The following SLC22A2 variants were observed in gnomAD, a reference collection of about 807,000 sequenced individuals.
SLC22A2 encodes the protein organic cation transporter 2.
A neutral mutation model predicts 60.5 loss-of-function variants in SLC22A2; 46 were observed. The ratio of observed to expected loss-of-function variants is 0.76; its 90% CI spans 0.60 to 0.97. The LOEUF is 0.97. Ranked by LOEUF, SLC22A2 falls within the 50% of genes least tolerant of loss-of-function variation. The pLI is 0.00. For synonymous variants in SLC22A2, 303 were observed against 267.0 expected (o/e 1.13, Z -1.31); for missense variants, 701 against 706.6 (o/e 0.99, Z 0.09).
intron 2 of SLC22A2, among the ~76,000 whole-genome samples, chr6:160,252,930 T>C (rs1158036986): frequency 6.6e-6 from 1 of 152,216 alleles, no homozygotes; most frequent in Non-Finnish European, 1.5e-5. Context: ...GTAAAGTGAC[T>C]AGCACACAGT....
At chr6:160,255,335 A>C (rs1368424446) in intron 2 of SLC22A2, among the ~76,000 whole-genome samples, 1 of 152,146 alleles carries the variant, frequency 6.6e-6, no homozygotes, top group Non-Finnish European at 1.5e-5. Context: ...TGAAGTGCAT[A>C]TGCCTTGGGG....
At chr6:160,225,771 G>T (rs1004052976) in intron 9 of SLC22A2, among the ~76,000 whole-genome samples, 2 of 152,154 alleles carry the variant, frequency 1.3e-5, no homozygotes, top group African/African-American at 4.8e-5. Flanking sequence ...ACACACTATA[G>T]CCTACTCTTG....
chr6:160,230,430 C>A (rs975195265), intron 9 of SLC22A2, among the ~76,000 whole-genome samples: 5 of 151,908 alleles, frequency 3.3e-5, no homozygotes, highest in African/African-American at 9.7e-5. Flanking sequence ...TTGGCAGCAA[C>A]CCTGAGACTG....
intron 4 of SLC22A2, 56 bp from the exon 5 acceptor site, chr6:160,247,354 C>A: frequency 1.1e-6 from 1 of 912,936 alleles, no homozygotes; most frequent in Non-Finnish European, 1.8e-6. Context: ...TACCCCATCC[C>A]CCATTTTTTT....
Position 160,224,773 on chromosome 6 carries a change from C to A in SLC22A2, c.1533G>T (p.Val511=). ...GVLGLVAGGL[V]LLLPETKGKA... ...TCCCTTTAGTTTCTGGAAGCAACAGCACCAGACCTCCAGCAACCAAGCCAA... is the reference window on the plus strand; with the variant it reads ...TCCCTTTAGTTTCTGGAAGCAACAGAACCAGACCTCCAGCAACCAAGCCAA... Residue 511 remains valine, a synonymous_variant, in exon 10 of 11, where the codon GTG becomes GTT. Transcript: ENST00000366953. The A allele has an allele frequency of 6.2e-7, 1 of 1,600,726 alleles. No homozygotes were observed.
chr6:160,243,539 G>A (rs1783044354), intron 7 of SLC22A2, 33 bp downstream of exon 7: 3 of 1,460,496 alleles, frequency 2.1e-6, no homozygotes, highest in Admixed American at 1.7e-5. Flanking sequence ...CCAGGGTCTT[G>A]GAGATAAGAC....
At chr6:160,240,465 T>C (rs1334474513) in intron 9 of SLC22A2, among the ~76,000 whole-genome samples, 2 of 152,170 alleles carry the variant, frequency 1.3e-5, no homozygotes, top group African/African-American at 2.4e-5. Flanking sequence ...TAAGCTTAGA[T>C]TGTAGACCTA....
chr6:160,228,363 G>T (rs992114440), intron 9 of SLC22A2, among the ~76,000 whole-genome samples: 1 of 152,142 alleles, frequency 6.6e-6, no homozygotes, highest in African/African-American at 2.4e-5. Context: ...CAATTTAGGG[G>T]AGTTAGAGTC....
Position 160,217,259 on chromosome 6 carries a change from A to G in SLC22A2, c.*173T>C, listed in dbSNP as rs1398742961. The G allele has an allele frequency of 2.4e-6, 1 of 413,130 alleles. No homozygotes were observed. Among genetic ancestry groups the G allele is most frequent in the Non-Finnish European group, 4.3e-6 (1 of 233,186 alleles). 25.6% of individuals were successfully genotyped at this position (413,130 alleles called of 1,614,324 possible). ...GAAGAATTTGGCAGGATCTGGTCCC[A>G]TGGGTATTTTTCCACAGTGTACAAT... On this transcript the variant is annotated 3_prime_UTR_variant, in exon 11 of 11. Transcript: ENST00000366953.
At chr6:160,224,554 A>AT (rs1782693135) in intron 10 of SLC22A2, 151 bp downstream of exon 10, 1 of 433,116 alleles carries the variant, frequency 2.3e-6, no homozygotes, top group East Asian at 3.4e-5. Flanking sequence ...AATTTTACTA[A>AT]TTTTTTTGAT....
chr6:160,251,922 A>C (rs888268315), intron 2 of SLC22A2, among the ~76,000 whole-genome samples: 12 of 152,212 alleles, frequency 7.9e-5, no homozygotes, highest in African/African-American at 2.9e-4. Flanking sequence ...ATTAACTAGT[A>C]AATTTCTTAA....
intron 2 of SLC22A2, among the ~76,000 whole-genome samples, chr6:160,255,903 G>A (rs1008226697): frequency 3.9e-5 from 6 of 152,194 alleles, no homozygotes; most frequent in Non-Finnish European, 8.8e-5. Flanking sequence ...AGCACAGTGA[G>A]TGTGGGATTC....
In SLC22A2 at chr6:160,254,971, GGAGT is replaced by G. The variant is rs1208037150; in HGVS notation, c.518+1639_518+1642del. Reference sequence around the variant, plus strand: ...CACCTGTTTACTCACAGCCTGTCAGGGAGTGAGTGTTAGCACCTCTACCTGGTGG... The same window carrying G: ...CACCTGTTTACTCACAGCCTGTCAGGGAGTGTTAGCACCTCTACCTGGTGG... On this transcript the variant is annotated intron_variant, in intron 2 of 10. Transcript: ENST00000366953. 5.3e-5 allele frequency among the ~76,000 whole-genome samples: 8 copies of G among 152,334 alleles called. No individual in the cohort carries two copies. In the South Asian group the frequency reaches 1.0e-3, roughly 20 times the overall value.
chr6:160,247,635 T>A (rs1214476044), intron 4 of SLC22A2, among the ~76,000 whole-genome samples: 1 of 152,154 alleles, frequency 6.6e-6, no homozygotes, highest in East Asian at 1.9e-4. Flanking sequence ...TGCTGGAGTA[T>A]GCAAACCATT....
At chr6:160,237,903 A>G (rs1189121236) in intron 9 of SLC22A2, among the ~76,000 whole-genome samples, 1 of 152,236 alleles carries the variant, frequency 6.6e-6, no homozygotes, top group African/African-American at 2.4e-5. Context: ...GGTTGTCCTC[A>G]CTGCTACACT....
intron 9 of SLC22A2, among the ~76,000 whole-genome samples, chr6:160,232,529 G>T (rs1443743386): frequency 6.6e-6 from 1 of 151,256 alleles, no homozygotes; most frequent in Non-Finnish European, 1.5e-5. Context: ...TGGGCAGAAA[G>T]AAATTTCTCA....
intron 3 of SLC22A2, 138 bp downstream of exon 3, chr6:160,250,410 C>A: frequency 1.3e-6 from 1 of 797,760 alleles, no homozygotes; most frequent in East Asian, 2.6e-5. Context: ...TTTAGGAATT[C>A]TTTTGATACA....
intron 9 of SLC22A2, among the ~76,000 whole-genome samples, chr6:160,230,986 C>T (rs902381235): frequency 3.3e-5 from 5 of 151,940 alleles, no homozygotes; most frequent in Admixed American, 1.3e-4. Context: ...CCAATCACCT[C>T]GGAAGCCCCC....
chr6:160,219,990 T>C (rs1782621512), intron 10 of SLC22A2, among the ~76,000 whole-genome samples: 1 of 152,230 alleles, frequency 6.6e-6, no homozygotes, highest in African/African-American at 2.4e-5. Flanking sequence ...TTGCTGAAGG[T>C]TGAAGTGGCT....
Sources: allele counts gnomAD v4.1 joint callset (sites outside exome capture counted in the v4.1 genomes callset), GRCh38; gene constraint gnomAD v4.1.1; transcripts MANE v1.5; gene names NCBI Gene and HGNC (gene_info 2026-07-23, HGNC 2026-07-21).